The following ANKFN1 variants were observed in gnomAD, a reference collection of about 807,000 sequenced individuals.
ANKFN1 encodes ankyrin repeat and fibronectin type-III domain-containing protein 1.
In ANKFN1, 74 loss-of-function variants were observed where a neutral mutation model predicts 108.7. That is an observed-to-expected ratio of 0.68 (90% CI 0.56 to 0.83). The LOEUF (loss-of-function observed/expected upper bound fraction) is 0.83. Ranked by LOEUF, ANKFN1 falls within the 40% of genes least tolerant of loss-of-function variation. The probability of loss-of-function intolerance (pLI) is 0.00; values close to 1 mark genes in which losing one functional copy is unlikely to be tolerated. For missense variants in ANKFN1, 1,505 were observed against 1,382.3 expected, an observed-to-expected ratio of 1.09 and a Z score of -1.41; for synonymous variants, 547 against 516.2, an observed-to-expected ratio of 1.06 and a Z score of -0.81.
rs78975697 is a variant in ANKFN1 at position 56,293,367 on chromosome 17, A to C, written c.54-32854A>C. On this transcript the variant is annotated intron_variant, in intron 3 of 20. Transcript: ENST00000682825. ...TGCCACCATCACCACCAAGCACAGA[A>C]GCAAAAACAAACCCAACAACTTTTC... 1.8e-4 allele frequency among the ~76,000 whole-genome samples: 27 copies of C among 152,322 alleles called. No homozygotes were observed. The East Asian group carries it at 5.2e-3, about 29-fold the overall frequency.
chr17:56,155,634 C>T (rs1278077615), intron 1 of ANKFN1, among the ~76,000 whole-genome samples: 2 of 152,026 alleles, frequency 1.3e-5, no homozygotes, highest in South Asian at 2.1e-4. Context: ...TGAGGACCCC[C>T]GTAAGTATGA....
chr17:56,403,290 T>A lies in ANKFN1; in HGVS notation c.910+28576T>A, dbSNP rs565706009. Reference sequence around the variant, plus strand: ...TTGATGACCTATCTAGAGCTGTCAGTGGAGTATTTAAGTCCCCTACTATTA... The same window carrying A: ...TTGATGACCTATCTAGAGCTGTCAGAGGAGTATTTAAGTCCCCTACTATTA... On this transcript the variant is annotated intron_variant, in intron 8 of 20. Coordinates refer to ENST00000682825, the MANE Select transcript of ANKFN1 (RefSeq NM_001370326.1). Among the ~76,000 whole-genome samples the A allele has an allele frequency of 5.9e-4, 90 of 152,294 alleles. 1 individual carries two copies. The South Asian group carries it at 0.018, about 31-fold the overall frequency.
At chr17:56,238,481 A>G (rs1917325200) in intron 3 of ANKFN1, among the ~76,000 whole-genome samples, 3 of 152,176 alleles carry the variant, frequency 2.0e-5, no homozygotes, top group Admixed American at 2.0e-4. Context: ...GAGTATATAT[A>G]TATTTAGGAT....
At chr17:56,485,494 T>G (rs2050826139) in intron 18 of ANKFN1, among the ~76,000 whole-genome samples, 1 of 152,038 alleles carries the variant, frequency 6.6e-6, no homozygotes, top group African/African-American at 2.4e-5. Context: ...GGTCAGAGAG[T>G]CATGGGAGCT....
chr17:56,443,084 C>T (rs2049166822), intron 10 of ANKFN1, 151 bp downstream of exon 10: 3 of 673,290 alleles, frequency 4.5e-6, no homozygotes, highest in African/African-American at 3.6e-5. Context: ...GAATGATTCC[C>T]CTGCAGAAAT....
intron 4 of ANKFN1, among the ~76,000 whole-genome samples, chr17:56,102,547 A>T (rs1905667080): frequency 6.6e-6 from 1 of 152,190 alleles, no homozygotes; most frequent in African/African-American, 2.4e-5. Context: ...TGACAGTGTC[A>T]TATGAAGCAG....
chr17:56,314,677 C>T (rs898073261), intron 3 of ANKFN1, among the ~76,000 whole-genome samples: 1 of 152,076 alleles, frequency 6.6e-6, no homozygotes, highest in Admixed American at 6.5e-5. Flanking sequence ...AAGTAGGAAA[C>T]CCAAGTCTTT....
At position 56,095,156 on chromosome 17, in the gene ANKFN1, C is replaced by T. The variant is rs562576409; in HGVS notation, c.288+48831C>T. 2.6e-5 allele frequency among the ~76,000 whole-genome samples: 4 copies of T among 151,300 alleles called. No individual in the cohort carries two copies. The South Asian group carries it at 8.3e-4, about 32-fold the overall frequency. ...GGGCCTACATCAACACTTGCCCAAA[C>T]TGGGTGTTGATAAGGAATATTGCTG... is the stretch of plus-strand genomic sequence containing the variant. On this transcript the variant is annotated intron_variant, in intron 4 of 12. Coordinates refer to the ANKFN1 transcript ENST00000635860.
intron 19 of ANKFN1, among the ~76,000 whole-genome samples, chr17:56,494,738 G>A (rs2051144877): frequency 6.6e-6 from 1 of 152,034 alleles, no homozygotes; most frequent in Non-Finnish European, 1.5e-5. Context: ...TGGCTCTAAC[G>A]TTTTATGACT....
chr17:56,320,958 A>G lies in ANKFN1; in HGVS notation c.54-5263A>G, dbSNP rs753130946. 5.8e-4 allele frequency among the ~76,000 whole-genome samples: 88 copies of G among 152,084 alleles called. 1 individual carries two copies. The highest frequency in any genetic ancestry group is 1.2e-4 in the Non-Finnish European group (8 of 68,024). On this transcript the variant is annotated intron_variant, in intron 3 of 20. Coordinates refer to ENST00000682825, the MANE Select transcript of ANKFN1 (RefSeq NM_001370326.1). ...GAAAAATTCTAAAAGAGGCTTTCTC[A>G]GGATATTTTGAGACCGTTACTTTTA... is the stretch of plus-strand genomic sequence containing the variant.
At chr17:56,306,907 C>T (rs2044845563) in intron 3 of ANKFN1, among the ~76,000 whole-genome samples, 1 of 152,110 alleles carries the variant, frequency 6.6e-6, no homozygotes, top group Non-Finnish European at 1.5e-5. Context: ...AGAACAGAGG[C>T]CTCAGAAATA....
At chr17:56,189,972 G>T (rs1251625837) in intron 1 of ANKFN1, among the ~76,000 whole-genome samples, 1 of 147,914 alleles carries the variant, frequency 6.8e-6, no homozygotes. Context: ...AACAAATGAT[G>T]CTGGGACAAC....
rs970689142 is a variant in ANKFN1 at position 56,515,111 on chromosome 17, A to G, written c.*3842A>G. On this transcript the variant is annotated 3_prime_UTR_variant, in exon 21 of 21. Coordinates refer to ENST00000682825, the MANE Select transcript of ANKFN1 (RefSeq NM_001370326.1). ...CCAAGAGAAGGTATGTCTGCAACGCATTTAAGTTGCCTAGTTATGTCAACA... is the reference window on the plus strand; with the variant it reads ...CCAAGAGAAGGTATGTCTGCAACGCGTTTAAGTTGCCTAGTTATGTCAACA... 2.0e-5 allele frequency among the ~76,000 whole-genome samples: 3 copies of G among 152,100 alleles called. No homozygotes were observed. The highest frequency in any genetic ancestry group is 2.1e-4 in the South Asian group (1 of 4,814).
chr17:56,318,085 A>C lies in ANKFN1; in HGVS notation c.54-8136A>C, dbSNP rs547074796. ...GAAATATTAGTGATTGGAATGACACAGTAGGTCACTTAATGTCCCTTGTAA... is the reference window on the plus strand; with the variant it reads ...GAAATATTAGTGATTGGAATGACACCGTAGGTCACTTAATGTCCCTTGTAA... On this transcript the variant is annotated intron_variant, in intron 3 of 20. Coordinates refer to ENST00000682825, the MANE Select transcript of ANKFN1 (RefSeq NM_001370326.1). Among the ~76,000 whole-genome samples the C allele has an allele frequency of 5.3e-5, 8 of 152,326 alleles. No homozygotes were observed. In the South Asian group the frequency reaches 1.7e-3, roughly 32 times the overall value.
chr17:56,472,088 G>A (rs960280661), intron 15 of ANKFN1: 1 of 152,190 alleles, frequency 6.6e-6, no homozygotes, highest in African/African-American at 2.4e-5. Flanking sequence ...GTAAGTAAAA[G>A]AGACTACATT....
intron 4 of ANKFN1, among the ~76,000 whole-genome samples, chr17:56,339,323 T>A (rs2045900346): frequency 6.6e-6 from 1 of 152,098 alleles, no homozygotes; most frequent in African/African-American, 2.4e-5. Context: ...TTAACTTTGG[T>A]TTAAGTTCAG....
chr17:56,432,117 C>T (rs2048777664), intron 8 of ANKFN1, among the ~76,000 whole-genome samples: 2 of 152,200 alleles, frequency 1.3e-5, no homozygotes, highest in Non-Finnish European at 2.9e-5. Flanking sequence ...TTCCAATTGT[C>T]ACTGGGTTTT....
intron 4 of ANKFN1, among the ~76,000 whole-genome samples, chr17:56,095,431 A>G (rs1309147591): frequency 1.3e-5 from 2 of 150,820 alleles, no homozygotes; most frequent in Non-Finnish European, 3.0e-5. Context: ...ATCTGGAACT[A>G]CAGGTGCATG....
Position 56,091,418 on chromosome 17 carries a change from TCACACACACACA to T in ANKFN1, c.288+45126_288+45137del, listed in dbSNP as rs34588908. Among the ~76,000 whole-genome samples, 1,242 of 136,914 alleles carry T rather than the reference TCACACACACACA, an allele frequency of 9.1e-3. 38 individuals carry two copies. Among genetic ancestry groups the T allele is most frequent in the Middle Eastern group, 0.026 (7 of 272 alleles). 89.8% of individuals were successfully genotyped at this position (136,914 alleles called of 152,430 possible). A position where few individuals can be genotyped will look rare whatever the true frequency, so the allele number is the denominator to read the frequency against. On this transcript the variant is annotated intron_variant, in intron 4 of 12. Transcript: ENST00000635860. ...ATACTTCATTTTTCTTCCAAACAAA[TCACACACACACA>T]CACACACACACACACACACACACAC...
Sources: allele counts gnomAD v4.1 joint callset (sites outside exome capture counted in the v4.1 genomes callset), GRCh38; gene constraint gnomAD v4.1.1; transcripts MANE v1.5; gene names NCBI Gene and HGNC (gene_info 2026-07-23, HGNC 2026-07-21).